Variants in EXOC4 observed in about 807,000 individuals in gnomAD.
The protein encoded by EXOC4 is exocyst complex component 4.
EXOC4 carries 71 observed loss-of-function variants against 107.2 expected under a neutral mutation model. That is an observed-to-expected ratio of 0.66 (90% CI 0.55 to 0.81). EXOC4 has a LOEUF of 0.81. EXOC4 is among the 30% of genes least tolerant of loss of function. The pLI is 0.00. For synonymous variants in EXOC4, 456 were observed against 441.2 expected (o/e 1.03, Z -0.42); for missense variants, 1,108 against 1,189.6 (o/e 0.93, Z 1.01).
chr7:133,255,392 G>C (rs1239438143), intron 1 of EXOC4, among the ~76,000 whole-genome samples: 3 of 152,094 alleles, frequency 2.0e-5, no homozygotes, highest in African/African-American at 7.2e-5. Flanking sequence ...GGCCAGGATG[G>C]TCTCGATCGC....
chr7:134,003,447 A>G (rs1274646343), intron 15 of EXOC4, among the ~76,000 whole-genome samples: 1 of 152,166 alleles, frequency 6.6e-6, no homozygotes, highest in African/African-American at 2.4e-5. Context: ...CTGTTTGTAA[A>G]TTATTTCTCA....
chr7:133,408,859 A>G (rs1314683701), intron 7 of EXOC4, among the ~76,000 whole-genome samples: 2 of 152,182 alleles, frequency 1.3e-5, no homozygotes, highest in Non-Finnish European at 2.9e-5. Flanking sequence ...GGACTAGTAT[A>G]AGATGGTCAA....
At chr7:133,589,724 C>G (rs1363153679) in intron 9 of EXOC4, among the ~76,000 whole-genome samples, 3 of 152,110 alleles carry the variant, frequency 2.0e-5, no homozygotes, top group African/African-American at 7.2e-5. Context: ...AGGGCATGAA[C>G]AAGATTGAGT....
At chr7:134,097,646 A>G in the EXOC4 span, among the ~76,000 whole-genome samples, 2 of 152,186 alleles carry the variant, frequency 1.3e-5, no homozygotes, top group African/African-American at 2.4e-5. Context: ...ATCAATCCCA[A>G]GGCTTCCTAC....
intron 7 of EXOC4, among the ~76,000 whole-genome samples, chr7:133,463,368 G>GTTT (rs1798639982): frequency 6.6e-6 from 1 of 152,092 alleles, no homozygotes; most frequent in South Asian, 2.1e-4. Context: ...TTGGACCCAT[G>GTTT]TTTTAGCATT....
chr7:133,253,098 C>G lies in EXOC4; in HGVS notation c.-4C>G, dbSNP rs1163825907. 5 of 1,614,124 alleles carry G rather than the reference C, an allele frequency of 3.1e-6. No individual in the cohort carries two copies. The Admixed American group carries it at 8.3e-5, about 27-fold the overall frequency. On this transcript the variant is annotated 5_prime_UTR_variant, in exon 1 of 18. Transcript: ENST00000253861. ...GGAGCCTAGCGGCTCTCCCCGCGTCCAAGATGGCGGCAGAAGCAGCTGGTG... is the reference window on the plus strand; with the variant it reads ...GGAGCCTAGCGGCTCTCCCCGCGTCGAAGATGGCGGCAGAAGCAGCTGGTG...
chr7:133,406,985 G>A (rs971893721), intron 7 of EXOC4, among the ~76,000 whole-genome samples: 1 of 152,196 alleles, frequency 6.6e-6, no homozygotes, highest in African/African-American at 2.4e-5. Context: ...GACAAAGACT[G>A]TTTCCTTGAC....
At chr7:133,775,847 T>A (rs1229188671) in intron 10 of EXOC4, among the ~76,000 whole-genome samples, 1 of 152,210 alleles carries the variant, frequency 6.6e-6, no homozygotes, top group Non-Finnish European at 1.5e-5. Flanking sequence ...TTAGAAGAAT[T>A]GAACTTTGAT....
chr7:133,370,347 A>G (rs1325162050), intron 6 of EXOC4, among the ~76,000 whole-genome samples: 3 of 152,036 alleles, frequency 2.0e-5, no homozygotes, highest in Non-Finnish European at 4.4e-5. Flanking sequence ...GAGGCATGAG[A>G]CATCAACCAG....
intron 9 of EXOC4, among the ~76,000 whole-genome samples, chr7:133,482,414 A>G (rs1799178405): frequency 6.6e-6 from 1 of 152,132 alleles, no homozygotes; most frequent in Admixed American, 6.6e-5. Flanking sequence ...CTCAAGCATA[A>G]ATAGTCAACA....
At chr7:133,848,533 G>C (rs930058720) in intron 11 of EXOC4, among the ~76,000 whole-genome samples, 1 of 152,200 alleles carries the variant, frequency 6.6e-6, no homozygotes, top group Non-Finnish European at 1.5e-5. Flanking sequence ...AGATAGAATG[G>C]TATATTCTGT....
intron 5 of EXOC4, among the ~76,000 whole-genome samples, chr7:133,342,824 A>G (rs1276104120): frequency 6.6e-6 from 1 of 151,882 alleles, no homozygotes; most frequent in Non-Finnish European, 1.5e-5. Context: ...GAAACTTTCC[A>G]GTGTATTTTG....
At chr7:133,774,917 T>C (rs1796315023) in intron 10 of EXOC4, among the ~76,000 whole-genome samples, 1 of 151,950 alleles carries the variant, frequency 6.6e-6, no homozygotes, top group South Asian at 2.1e-4. Context: ...CCCACCACTT[T>C]ATTAGTTGAA....
intron 11 of EXOC4, among the ~76,000 whole-genome samples, chr7:133,884,674 C>A (rs147845613): frequency 1.9e-3 from 285 of 151,748 alleles, no homozygotes; most frequent in Non-Finnish European, 3.5e-3. Context: ...AGACATATTT[C>A]TCTGACCATA....
At chr7:133,907,124 C>G (rs1053335927) in intron 12 of EXOC4, among the ~76,000 whole-genome samples, 2 of 152,208 alleles carry the variant, frequency 1.3e-5, no homozygotes, top group Admixed American at 1.3e-4. Flanking sequence ...AGCTTGTGAT[C>G]TGTCTCTTGA....
At chr7:133,943,734 T>C (rs1216605035) in intron 14 of EXOC4, among the ~76,000 whole-genome samples, 2 of 152,052 alleles carry the variant, frequency 1.3e-5, no homozygotes, top group Non-Finnish European at 2.9e-5. Context: ...ATGACTTATT[T>C]TGCAATTTGG....
At chr7:133,790,671 T>G (rs192767235) in intron 10 of EXOC4, among the ~76,000 whole-genome samples, 20 of 152,238 alleles carry the variant, frequency 1.3e-4, no homozygotes, top group Non-Finnish European at 8.8e-5. Flanking sequence ...TATTTAAGAT[T>G]TACAACTAGC....
chr7:134,069,187 G>A (rs554174363), downstream of EXOC4, among the ~76,000 whole-genome samples: 1 of 151,452 alleles, frequency 6.6e-6, no homozygotes, highest in African/African-American at 2.4e-5. Flanking sequence ...AGCACACCTA[G>A]CAGTTCACCC....
At chr7:133,992,572 C>T (rs762726011) in intron 14 of EXOC4, among the ~76,000 whole-genome samples, 2 of 152,018 alleles carry the variant, frequency 1.3e-5, no homozygotes, top group South Asian at 4.2e-4. Flanking sequence ...CATGGGCCAC[C>T]GCACCTGGCC....
Sources: gnomAD v4.1 joint callset for allele counts (sites outside exome capture counted in the v4.1 genomes callset) on GRCh38, gnomAD v4.1.1 for gene constraint, MANE v1.5 for transcripts, NCBI Gene and HGNC (gene_info 2026-07-23, HGNC 2026-07-21) for gene names.